The following GATAD2A variants were observed in gnomAD, a reference collection of about 807,000 sequenced individuals.
GATAD2A encodes the protein transcriptional repressor p66-alpha.
In GATAD2A, 12 loss-of-function variants were observed where a neutral mutation model predicts 68.5. The observed-to-expected ratio is 0.18, with a 90% CI of 0.11 to 0.28. The LOEUF (loss-of-function observed/expected upper bound fraction) is 0.28. Ranked by LOEUF, GATAD2A falls within the 10% of genes least tolerant of loss-of-function variation. The pLI is 1.00. For synonymous variants in GATAD2A, 410 were observed against 375.3 expected, an observed-to-expected ratio of 1.09 and a Z score of -1.07; for missense variants, 755 against 868.5, an observed-to-expected ratio of 0.87 and a Z score of 1.64.
intron 1 of GATAD2A, among the ~76,000 whole-genome samples, chr19:19,438,814 G>A (rs2054659020): frequency 6.6e-6 from 1 of 152,198 alleles, no homozygotes; most frequent in Admixed American, 6.5e-5. Context: ...GATACTTAGT[G>A]GTCAAATAGG....
At chr19:19,460,849 G>T (rs143507717) in intron 1 of GATAD2A, among the ~76,000 whole-genome samples, 270 of 152,242 alleles carry the variant, frequency 1.8e-3, no homozygotes, top group African/African-American at 6.3e-3. Context: ...CCTCCCCTCC[G>T]GCCTGGGCCA....
intron 2 of GATAD2A, among the ~76,000 whole-genome samples, chr19:19,480,580 A>C (rs1452799441): frequency 6.6e-6 from 1 of 152,142 alleles, no homozygotes; most frequent in African/African-American, 2.4e-5. Context: ...GTACTTTGTC[A>C]TGGGATACCA....
intron 1 of GATAD2A, among the ~76,000 whole-genome samples, chr19:19,394,704 A>G (rs1346449817): frequency 6.6e-6 from 1 of 152,116 alleles, no homozygotes; most frequent in East Asian, 1.9e-4. Context: ...TCGGTCTCCC[A>G]AAGTGCTGGG....
At chr19:19,503,443 A>C (rs1240455257) in intron 11 of GATAD2A, among the ~76,000 whole-genome samples, 1 of 152,248 alleles carries the variant, frequency 6.6e-6, no homozygotes, top group East Asian at 1.9e-4. Context: ...GTTCGGCTGC[A>C]GAGGAATCCA....
At chr19:19,483,458 A>G (rs1298281039) in intron 2 of GATAD2A, among the ~76,000 whole-genome samples, 1 of 152,176 alleles carries the variant, frequency 6.6e-6, no homozygotes, top group Non-Finnish European at 1.5e-5. Flanking sequence ...CATCCCAGCC[A>G]AGAGGAGCTC....
chr19:19,485,991 C>A (rs201697238), intron 2 of GATAD2A, among the ~76,000 whole-genome samples: 1 of 152,210 alleles, frequency 6.6e-6, no homozygotes, highest in South Asian at 2.1e-4. Context: ...AGCTGCCCAC[C>A]GTGCAAGGGG....
chr19:19,418,481 C>T (rs1178378586), intron 1 of GATAD2A, among the ~76,000 whole-genome samples: 2 of 152,228 alleles, frequency 1.3e-5, no homozygotes, highest in Non-Finnish European at 2.9e-5. Context: ...GTTCGAGGAA[C>T]ACAGACTTGA....
chr19:19,497,238 G>A (rs1402598891), intron 7 of GATAD2A, among the ~76,000 whole-genome samples: 1 of 152,262 alleles, frequency 6.6e-6, no homozygotes, highest in Non-Finnish European at 1.5e-5. Context: ...TGGGACTACA[G>A]GCGCCTGCCA....
intron 1 of GATAD2A, chr19:19,435,175 T>C (rs754892791): frequency 5.7e-6 from 3 of 529,034 alleles, no homozygotes; most frequent in Non-Finnish European, 1.2e-5. Flanking sequence ...AGATGCTGTG[T>C]GAGCATAGTA....
At chr19:19,391,584 G>A (rs1164594993) in intron 1 of GATAD2A, among the ~76,000 whole-genome samples, 1 of 152,122 alleles carries the variant, frequency 6.6e-6, no homozygotes, top group Non-Finnish European at 1.5e-5. Context: ...CACTTTGGTG[G>A]ATGGTGGGGC....
chr19:19,407,937 T>C (rs1270258958), intron 1 of GATAD2A, among the ~76,000 whole-genome samples: 1 of 152,272 alleles, frequency 6.6e-6, no homozygotes, highest in Non-Finnish European at 1.5e-5. Context: ...AGCTGGTTTT[T>C]ATGAAGATTG....
chr19:19,492,172 G>T lies in GATAD2A; in HGVS notation c.270-134G>T, dbSNP rs2059838669. The T allele has an allele frequency of 2.2e-5, 20 of 914,726 alleles. No homozygotes were observed. The East Asian group carries it at 5.3e-4, about 24-fold the overall frequency. 56.7% of individuals were successfully genotyped at this position (914,726 alleles called of 1,614,324 possible). ...GGCAGCCTGGGAGCCATGGGGCAGG[G>T]CAGGGGATGTGGAGGATGCAGGGCA... On this transcript the variant is annotated intron_variant, in intron 2 of 11. Coordinates refer to ENST00000683918, the MANE Select transcript of GATAD2A (RefSeq NM_001384528.1).
At chr19:19,501,513 G>A (rs2060520459) in intron 9 of GATAD2A, 97 bp downstream of exon 9, 2 of 968,442 alleles carry the variant, frequency 2.1e-6, no homozygotes, top group Non-Finnish European at 3.0e-6. Flanking sequence ...ATTGTTAACT[G>A]CACGTCTAAA....
At chr19:19,453,006 G>T (rs2056547315) in intron 1 of GATAD2A, among the ~76,000 whole-genome samples, 1 of 152,196 alleles carries the variant, frequency 6.6e-6, no homozygotes, top group Non-Finnish European at 1.5e-5. Flanking sequence ...TACCCGGGAA[G>T]CCCGTGCCCT....
chr19:19,439,037 G>T (rs540427172), intron 1 of GATAD2A, among the ~76,000 whole-genome samples: 1 of 152,348 alleles, frequency 6.6e-6, no homozygotes, highest in East Asian at 1.9e-4. Context: ...ATTGGCTGGG[G>T]TGTCCCCATT....
chr19:19,422,319 C>G (rs1352679808), intron 1 of GATAD2A, among the ~76,000 whole-genome samples: 2 of 152,182 alleles, frequency 1.3e-5, no homozygotes, highest in Non-Finnish European at 2.9e-5. Flanking sequence ...CTATCTGGCT[C>G]CTCTTGGAGC....
At chr19:19,481,199 C>T (rs1280608272) in intron 2 of GATAD2A, among the ~76,000 whole-genome samples, 1 of 152,088 alleles carries the variant, frequency 6.6e-6, no homozygotes, top group African/African-American at 2.4e-5. Flanking sequence ...CAGGGTTTCT[C>T]CTCCTCTTTG....
intron 1 of GATAD2A, among the ~76,000 whole-genome samples, chr19:19,388,729 G>C (rs1007047067): frequency 2.0e-5 from 3 of 151,966 alleles, no homozygotes; most frequent in Non-Finnish European, 4.4e-5. Flanking sequence ...CCCACTTCCT[G>C]TCCCATCCCT....
Position 19,492,347 on chromosome 19 carries a change from T to C in GATAD2A, c.311T>C (p.Ile104Thr). The change falls in exon 3 of 12, where the codon ATT (isoleucine) becomes ACT (threonine). Residue 104 changes from isoleucine (I) to threonine (T), a missense_variant. Ile to Thr is a moderately conservative substitution (Grantham distance 89). Coordinates refer to ENST00000683918, the MANE Select transcript of GATAD2A (RefSeq NM_001384528.1). ...AGGAGACCCCCCTCACCTGACGTGA[T>C]TGTGCTCTCCGACAACGAGCAGCCC... is the stretch of plus-strand genomic sequence containing the variant. ...SERRPPSPDV[I>T]VLSDNEQPSS... 6.2e-7 allele frequency: 1 copy of C among 1,610,718 alleles called. No homozygotes were observed.
Sources: allele counts gnomAD v4.1 joint callset (sites outside exome capture counted in the v4.1 genomes callset), GRCh38; gene constraint gnomAD v4.1.1; transcripts MANE v1.5; gene names NCBI Gene and HGNC (gene_info 2026-07-23, HGNC 2026-07-21).